Variants in FGFR2 observed in about 807,000 individuals in gnomAD.
FGFR2 encodes the protein BEK fibroblast growth factor receptor.
In FGFR2, 19 loss-of-function variants were observed where a neutral mutation model predicts 95.9. That is an observed-to-expected ratio of 0.20 (90% CI 0.14 to 0.29). FGFR2 has a LOEUF of 0.29. Among genes scored for constraint, FGFR2 ranks in the 10% least tolerant of loss-of-function variants. The pLI, the probability that FGFR2 is intolerant of heterozygous loss-of-function variation, is 1.00. For synonymous variants in FGFR2, 392 were observed against 393.3 expected, an observed-to-expected ratio of 1.00 and a Z score of 0.04; for missense variants, 707 against 1,056.9, an observed-to-expected ratio of 0.67 and a Z score of 4.59.
intron 2 of FGFR2, among the ~76,000 whole-genome samples, chr10:121,587,541 G>C (rs150906547): frequency 9.7e-4 from 148 of 152,156 alleles, no homozygotes; most frequent in African/African-American, 3.5e-3. Context: ...GCATCTATAA[G>C]GAACTTAAAT....
intron 2 of FGFR2, among the ~76,000 whole-genome samples, chr10:121,593,108 C>A (rs1424864311): frequency 6.6e-6 from 1 of 152,154 alleles, no homozygotes; most frequent in East Asian, 1.9e-4. Flanking sequence ...TGGAGGAGAT[C>A]CCCTGGCACA....
chr10:121,487,272 A>T, intron 15 of FGFR2, 82 bp downstream of exon 15: 1 of 1,123,204 alleles, frequency 8.9e-7, no homozygotes, highest in Non-Finnish European at 1.4e-6. Context: ...AGCAGCCACT[A>T]AAGAAGGAAG....
intron 10 of FGFR2, among the ~76,000 whole-genome samples, chr10:121,501,206 T>A (rs1314718934): frequency 1.3e-5 from 2 of 152,210 alleles, no homozygotes; most frequent in Admixed American, 1.3e-4. Flanking sequence ...AAGGTATCCT[T>A]GCTAGTGCGG....
rs58544210 is a variant in FGFR2 at position 121,510,778 on chromosome 10, A to ATTTATTTTATTTTATTTTATTTTAT, written c.1287+4314_1287+4338dup. 3.3e-3 allele frequency among the ~76,000 whole-genome samples: 481 copies of ATTTATTTTATTTTATTTTATTTTAT among 145,368 alleles called. 5 individuals carry two copies. The highest frequency in any genetic ancestry group is 0.012 in the African/African-American group (465 of 38,222). On this transcript the variant is annotated intron_variant, in intron 9 of 17. Transcript: ENST00000358487. ...CAAAAGGTAGCCTTCACTGCCCTTG[A>ATTTATTTTATTTTATTTTATTTTAT]TTTATTTTATTTTATTTTATTTTAT...
At position 121,479,521 on chromosome 10, in the gene FGFR2, A is replaced by G; in HGVS notation, c.*336T>C. 7.1e-7 allele frequency: 1 copy of G among 1,410,998 alleles called. No individual in the cohort carries two copies. The highest frequency in any genetic ancestry group is 2.5e-5 in the East Asian group (1 of 40,008). 87.4% of individuals were successfully genotyped at this position (1,410,998 alleles called of 1,614,324 possible). A position where few individuals can be genotyped will look rare whatever the true frequency, so the allele number is the denominator to read the frequency against. On this transcript the variant is annotated 3_prime_UTR_variant, in exon 18 of 18. Coordinates refer to ENST00000358487, the MANE Select transcript of FGFR2 (RefSeq NM_000141.5). ...TGCTCTGTAAGTGTGTGCTGACATA[A>G]ATCTTCTCCAATTATTACAAAATTA...
rs1458741036 is a variant in FGFR2, at chr10:121,515,287, G to C, written c.1117C>G (p.Pro373Ala). Residue 373 changes from proline to alanine, a missense_variant, in exon 9 of 18, where the codon CCA becomes GCA. Physicochemically the swap from Pro to Ala is conservative, Grantham distance 27. Around this residue, in one of 7 missense-constraint regions of FGFR2, gnomAD observed 194 missense variants for 267.3 expected, o/e 0.73. Coordinates refer to ENST00000358487, the MANE Select transcript of FGFR2 (RefSeq NM_000141.5). ...PGREKEITAS[P>A]DYLEIAIYCI... is the part of the protein sequence containing the mutation. The stretch of plus-strand genomic sequence containing the variant: ...TAAATGGCTATCTCCAGGTAGTCTG[G>C]GGAAGCTGTAATCTCCTTTTCTCTT... 6.2e-7 allele frequency: 1 copy of C among 1,614,102 alleles called. No homozygotes were observed. Among genetic ancestry groups the C allele is most frequent in the Non-Finnish European group, 8.5e-7 (1 of 1,180,024 alleles).
intron 2 of FGFR2, chr10:121,583,461 C>A (rs116664546): frequency 1.3e-5 from 2 of 152,250 alleles, no homozygotes; most frequent in African/African-American, 4.8e-5. Context: ...GTTATGGACT[C>A]CTACGGTGTG....
intron 10 of FGFR2, among the ~76,000 whole-genome samples, chr10:121,501,399 T>C (rs1847585487): frequency 6.6e-6 from 1 of 152,226 alleles, no homozygotes; most frequent in African/African-American, 2.4e-5. Flanking sequence ...CCTTGCCAAG[T>C]TACAGGATAT....
intron 13 of FGFR2, among the ~76,000 whole-genome samples, chr10:121,492,835 C>CTGT (rs1239324050): frequency 2.0e-5 from 3 of 152,172 alleles, no homozygotes; most frequent in Admixed American, 2.0e-4. Flanking sequence ...TTACCTTGGG[C>CTGT]TGTTATTCAA....
At chr10:121,545,419 G>A (rs1470280911) in intron 5 of FGFR2, among the ~76,000 whole-genome samples, 1 of 152,208 alleles carries the variant, frequency 6.6e-6, no homozygotes, top group African/African-American at 2.4e-5. Context: ...GGTAGGGCAA[G>A]CCCTCAAATG....
At chr10:121,570,658 G>C (rs1590034966) in intron 2 of FGFR2, among the ~76,000 whole-genome samples, 1 of 152,256 alleles carries the variant, frequency 6.6e-6, no homozygotes, top group South Asian at 2.1e-4. Flanking sequence ...GAAGGTTCCA[G>C]AAGCCGCCTT....
At chr10:121,500,779 A>C in intron 11 of FGFR2, 47 bp downstream of exon 11, 2 of 1,609,332 alleles carry the variant, frequency 1.2e-6, no homozygotes, top group South Asian at 2.2e-5. Context: ...TTTCTTGATA[A>C]GACTCTCCAC....
At chr10:121,556,762 A>C (rs989902477) in intron 4 of FGFR2, among the ~76,000 whole-genome samples, 3 of 152,156 alleles carry the variant, frequency 2.0e-5, no homozygotes, top group Non-Finnish European at 4.4e-5. Context: ...GGATGCAAAA[A>C]ATTTTAAAAA....
At chr10:121,549,563 G>C (rs1855064651) in intron 5 of FGFR2, among the ~76,000 whole-genome samples, 1 of 152,154 alleles carries the variant, frequency 6.6e-6, no homozygotes, top group African/African-American at 2.4e-5. Context: ...ATGGAAAAAA[G>C]CAAAAGTGGT....
chr10:121,594,097 T>C (rs1201633171), intron 1 of FGFR2, 130 bp from the exon 2 acceptor site: 1 of 543,858 alleles, frequency 1.8e-6, no homozygotes, highest in African/African-American at 1.9e-5. Context: ...ATCTGCTAAA[T>C]CCTTCCATCC....
At chr10:121,597,856 T>C in intron 1 of FGFR2, 106 bp downstream of exon 1, 1 of 377,822 alleles carries the variant, frequency 2.6e-6, no homozygotes. Flanking sequence ...ATGCTAGTCC[T>C]TCCGCGCCCC....
Position 121,517,482 on chromosome 10 carries a change from A to G in FGFR2, c.940-19T>C, listed in dbSNP as rs1239899975. The G allele has an allele frequency of 6.2e-7, 1 of 1,614,136 alleles. No homozygotes were observed. The highest frequency in any genetic ancestry group is 2.2e-5 in the East Asian group (1 of 44,868). Reference sequence around the variant, plus strand: ...CGGCGGCCTAGAAAACAAGGGAAGCAAAAGAAAAGGCTAGACGACACAGGA... The same window carrying G: ...CGGCGGCCTAGAAAACAAGGGAAGCGAAAGAAAAGGCTAGACGACACAGGA... On this transcript the variant is annotated intron_variant, in intron 7 of 17. Transcript: ENST00000358487. The surrounding 1 kb of genome is among the most constrained non-coding windows in gnomAD (Gnocchi z 4.7).
chr10:121,486,749 C>G (rs1256856855), intron 15 of FGFR2, among the ~76,000 whole-genome samples: 1 of 152,192 alleles, frequency 6.6e-6, no homozygotes, highest in Non-Finnish European at 1.5e-5. Context: ...CAGCCTTCAA[C>G]TGAATTTTCA....
intron 2 of FGFR2, among the ~76,000 whole-genome samples, chr10:121,572,802 T>C (rs1051966045): frequency 2.8e-4 from 42 of 152,136 alleles, no homozygotes; most frequent in African/African-American, 1.0e-3. Flanking sequence ...GCTGCCTGAC[T>C]CTCCGAGCCC....
Sources: gnomAD v4.1 joint callset for allele counts (sites outside exome capture counted in the v4.1 genomes callset) on GRCh38, gnomAD v4.1.1 for gene constraint, gnomAD v4.1.1 regional missense constraint, Gnocchi (gnomAD v3.1) non-coding constraint, MANE v1.5 for transcripts, NCBI Gene and HGNC (gene_info 2026-07-23, HGNC 2026-07-21) for gene names.